Variants in FBXO3 observed in about 807,000 individuals in gnomAD.
FBXO3 encodes F-box only protein 3.
In FBXO3, 17 loss-of-function variants were observed where a neutral mutation model predicts 64.8. The ratio of observed to expected loss-of-function variants is 0.26; its 90% CI spans 0.18 to 0.39. The LOEUF is 0.39. Ranked by LOEUF, FBXO3 falls within the 10% of genes least tolerant of loss-of-function variation. The pLI, the probability that FBXO3 is intolerant of heterozygous loss-of-function variation, is 1.00. For synonymous variants in FBXO3, 182 were observed against 201.6 expected (o/e 0.90, Z 0.82); for missense variants, 420 against 589.9 (o/e 0.71, Z 2.98).
intron 2 of FBXO3, among the ~76,000 whole-genome samples, chr11:33,769,625 A>G (rs1034308200): frequency 9.9e-5 from 15 of 152,186 alleles, no homozygotes; most frequent in Non-Finnish European, 2.2e-4. Flanking sequence ...ATAGAGGGTA[A>G]GGCAGCCACA....
At position 33,755,972 on chromosome 11, in the gene FBXO3, T is replaced by A; in HGVS notation, c.477A>T (p.Leu159Phe). The A allele has an allele frequency of 6.2e-7, 1 of 1,613,486 alleles. No homozygotes were observed. Among genetic ancestry groups the A allele is most frequent in the Non-Finnish European group, 8.5e-7 (1 of 1,179,590 alleles). The stretch of plus-strand genomic sequence containing the variant: ...GATTAGACAGTGCCATGCTTCCCAA[T>A]AACCTGAGGAGCATACAGACTCAAA... ...HNGQKLVVPG[L>F]LGSMALSNHY... The change falls in exon 5 of 11, where the codon TTA becomes TTT. Residue 159 changes from leucine to phenylalanine, a missense_variant. By Grantham distance (22) the Leu-to-Phe change is conservative (BLOSUM62 0). Coordinates refer to ENST00000265651, the MANE Select transcript of FBXO3 (RefSeq NM_012175.4).
At chr11:33,766,804 C>T (rs935449453) in intron 3 of FBXO3, among the ~76,000 whole-genome samples, 2 of 152,058 alleles carry the variant, frequency 1.3e-5, no homozygotes, top group Non-Finnish European at 2.9e-5. Flanking sequence ...ATTCGTAAGC[C>T]TAGGGTTCCA....
At chr11:33,770,943 A>G (rs2133626595) in intron 1 of FBXO3, 113 bp from the exon 2 acceptor site, 2 of 767,576 alleles carry the variant, frequency 2.6e-6, no homozygotes, top group East Asian at 5.6e-5. Context: ...CTTACTTTTC[A>G]CTTATTACCC....
intron 6 of FBXO3, among the ~76,000 whole-genome samples, chr11:33,752,193 G>A (rs1175158634): frequency 3.9e-5 from 6 of 152,208 alleles, no homozygotes; most frequent in African/African-American, 2.4e-5. Context: ...CATCTTCTTA[G>A]TGACCAGCTC....
rs2133605067 is a variant in FBXO3 at position 33,755,715 on chromosome 11, TTATA to T, written c.678+52_678+55del. The T allele has an allele frequency of 3.8e-6, 5 of 1,318,272 alleles. No homozygotes were observed. The East Asian group carries it at 1.2e-4, about 30-fold the overall frequency. 81.7% of individuals were successfully genotyped at this position (1,318,272 alleles called of 1,614,324 possible). On this transcript the variant is annotated intron_variant, in intron 5 of 10. Coordinates refer to ENST00000265651, the MANE Select transcript of FBXO3 (RefSeq NM_012175.4). ...TCCTGAAAATACCTAATGCATGCATTTATACAACCATCAGAACACATCTTAATGC... is the reference window on the plus strand; with the variant it reads ...TCCTGAAAATACCTAATGCATGCATTCAACCATCAGAACACATCTTAATGC...
chr11:33,750,957 GGAAACTTTTGGGACATCT>G (rs1477112574), intron 7 of FBXO3, among the ~76,000 whole-genome samples: 23 of 152,272 alleles, frequency 1.5e-4, no homozygotes, highest in African/African-American at 5.1e-4. Context: ...CCAGGGCTAA[GGAAACTTTTGGGACATCT>G]GAAAACCCAG....
At chr11:33,748,980 G>A (rs1184554581) in intron 8 of FBXO3, 88 bp from the exon 9 acceptor site, 3 of 704,670 alleles carry the variant, frequency 4.3e-6, no homozygotes, top group Non-Finnish European at 6.7e-6. Context: ...CTAATACTAT[G>A]AAGAAAAATT....
Position 33,742,184 on chromosome 11 carries a change from C to T in FBXO3, c.1240-100G>A, listed in dbSNP as rs559570531. 5.2e-5 allele frequency: 59 copies of T among 1,133,660 alleles called. 1 individual carries two copies. In the East Asian group the frequency reaches 1.2e-3, roughly 24 times the overall value. The allele number at this position is 1,133,660 out of a possible 1,614,324, so 70.2% of individuals were successfully genotyped here. ...TATCTAGAATTCAAACAACCAGACACGCCAAATATGAATTTCCATAGACTT... is the reference window on the plus strand; with the variant it reads ...TATCTAGAATTCAAACAACCAGACATGCCAAATATGAATTTCCATAGACTT... On this transcript the variant is annotated intron_variant, in intron 10 of 10. Coordinates refer to ENST00000265651, the MANE Select transcript of FBXO3 (RefSeq NM_012175.4).
At chr11:33,758,648 T>C (rs1855167136) in intron 3 of FBXO3, 47 bp from the exon 4 acceptor site, 1 of 1,366,818 alleles carries the variant, frequency 7.3e-7, no homozygotes, top group Non-Finnish European at 1.0e-6. Flanking sequence ...CAGCCTTAAA[T>C]CTAAGAAGAA....
chr11:33,748,718 C>A, intron 9 of FBXO3, 59 bp downstream of exon 9: 1 of 1,073,702 alleles, frequency 9.3e-7, no homozygotes, highest in Non-Finnish European at 1.4e-6. Context: ...ATTTAGGATG[C>A]AAAGTCTAAC....
chr11:33,756,028 T>TGC, intron 4 of FBXO3, 53 bp from the exon 5 acceptor site: 1 of 1,427,940 alleles, frequency 7.0e-7, no homozygotes, highest in Non-Finnish European at 9.8e-7. Flanking sequence ...CAAAGAGCTG[T>TGC]GCTTCATCTT....
chr11:33,755,458 T>G (rs1409787050), intron 5 of FBXO3, among the ~76,000 whole-genome samples: 1 of 151,762 alleles, frequency 6.6e-6, no homozygotes, highest in Non-Finnish European at 1.5e-5. Flanking sequence ...AAGGCTAAAT[T>G]TTTGGAAAGT....
At chr11:33,748,712 A>C in intron 9 of FBXO3, 65 bp downstream of exon 9, 1 of 977,682 alleles carries the variant, frequency 1.0e-6, no homozygotes. Flanking sequence ...TGTTATATTT[A>C]GGATGCAAAG....
Position 33,754,509 on chromosome 11 carries a change from G to GA in FBXO3, c.679-10dup. ...TTTCGAGCCATTTGGTCCTAGGTGA[G>GA]AAAAAGAATACAATCGATAAAAACA... On this transcript the variant is annotated splice_polypyrimidine_tract_variant and intron_variant, in intron 5 of 10. Coordinates refer to ENST00000265651, the MANE Select transcript of FBXO3 (RefSeq NM_012175.4). 5.1e-6 allele frequency: 8 copies of GA among 1,563,062 alleles called. No individual in the cohort carries two copies. The highest frequency in any genetic ancestry group is 6.9e-6 in the Non-Finnish European group (8 of 1,154,528).
chr11:33,758,417 C>T, intron 4 of FBXO3, 70 bp downstream of exon 4: 1 of 1,172,760 alleles, frequency 8.5e-7, no homozygotes, highest in Non-Finnish European at 1.2e-6. Flanking sequence ...ACTACAAATA[C>T]AATTTATTTA....
At chr11:33,761,731 C>G (rs773451560) in intron 3 of FBXO3, among the ~76,000 whole-genome samples, 1 of 152,188 alleles carries the variant, frequency 6.6e-6, no homozygotes, top group African/African-American at 2.4e-5. Context: ...GGGCTGCTAT[C>G]TCATCTTATG....
chr11:33,772,388 G>C (rs1855530962), intron 1 of FBXO3: 1 of 152,182 alleles, frequency 6.6e-6, no homozygotes, highest in Non-Finnish European at 1.5e-5. Context: ...ACTACCTAAA[G>C]CATTTAAAGT....
chr11:33,764,529 G>A (rs1855320518), intron 3 of FBXO3, among the ~76,000 whole-genome samples: 1 of 152,010 alleles, frequency 6.6e-6, no homozygotes, highest in Admixed American at 6.5e-5. Context: ...GAGGAGAAGG[G>A]CACTTCACGT....
At chr11:33,749,931 T>C (rs1854912619) in intron 8 of FBXO3, among the ~76,000 whole-genome samples, 1 of 152,140 alleles carries the variant, frequency 6.6e-6, no homozygotes, top group South Asian at 2.1e-4. Context: ...ACTTCCAGTA[T>C]GCATATATGC....
Sources: allele counts gnomAD v4.1 joint callset (sites outside exome capture counted in the v4.1 genomes callset), GRCh38; gene constraint gnomAD v4.1.1; transcripts MANE v1.5; gene names NCBI Gene and HGNC (gene_info 2026-07-23, HGNC 2026-07-21).